Variants in RGS8 observed in about 807,000 individuals in gnomAD.
RGS8 encodes the protein regulator of G-protein signaling 8.
A neutral mutation model predicts 21.7 loss-of-function variants in RGS8; 8 were observed. The ratio of observed to expected loss-of-function variants is 0.37; its 90% CI spans 0.22 to 0.66. The LOEUF is 0.66. Among genes scored for constraint, RGS8 ranks in the 30% least tolerant of loss-of-function variants. The pLI, the probability that RGS8 is intolerant of heterozygous loss-of-function variation, is 0.59. For synonymous variants in RGS8, 80 were observed against 83.6 expected, an observed-to-expected ratio of 0.96 and a Z score of 0.24; for missense variants, 157 against 217.9, an observed-to-expected ratio of 0.72 and a Z score of 1.76.
At chr1:182,678,500 G>C (rs1664440971) in intron 1 of RGS8, among the ~76,000 whole-genome samples, 1 of 152,182 alleles carries the variant, frequency 6.6e-6, no homozygotes, top group Admixed American at 6.5e-5. Context: ...ATAACTCCTA[G>C]ACATCACCTA....
At chr1:182,682,368 A>G (rs1439893785) in intron 1 of RGS8, among the ~76,000 whole-genome samples, 1 of 152,160 alleles carries the variant, frequency 6.6e-6, no homozygotes. Context: ...GTGGGCTTAA[A>G]GGTTCTGAAG....
intron 5 of RGS8, among the ~76,000 whole-genome samples, chr1:182,662,376 G>T (rs1571329738): frequency 1.3e-5 from 2 of 152,288 alleles, no homozygotes; most frequent in African/African-American, 2.4e-5. Context: ...TTGCTACAGA[G>T]AGCATCCTGG....
At chr1:182,667,041 G>T in intron 3 of RGS8, 68 bp from the exon 5 acceptor site, 1 of 1,290,340 alleles carries the variant, frequency 7.7e-7, no homozygotes, top group Non-Finnish European at 1.1e-6. Flanking sequence ...TCTATACAGG[G>T]CCCCTGGAGC....
chr1:182,668,638 C>T (rs1663990992), intron 3 of RGS8, among the ~76,000 whole-genome samples: 1 of 152,190 alleles, frequency 6.6e-6, no homozygotes, highest in South Asian at 2.1e-4. Flanking sequence ...TATCCTCTCT[C>T]CTGCAAAAAA....
chr1:182,686,209 G>A (rs1664701338), upstream of RGS8, among the ~76,000 whole-genome samples: 1 of 152,178 alleles, frequency 6.6e-6, no homozygotes. Flanking sequence ...TAGGGAGGCA[G>A]GAGAAAAAAG....
chr1:182,676,590 A>G (rs774114136), upstream of RGS8, among the ~76,000 whole-genome samples: 3 of 152,214 alleles, frequency 2.0e-5, no homozygotes, highest in Non-Finnish European at 4.4e-5. Flanking sequence ...TCCTCTGAGC[A>G]TTAGCAGCCT....
At chr1:182,739,982 C>T in the RGS8 span, among the ~76,000 whole-genome samples, 9 of 152,294 alleles carry the variant, frequency 5.9e-5, no homozygotes, top group South Asian at 1.9e-3. Flanking sequence ...CAACCCCCAA[C>T]CCCCAATTTC....
At chr1:182,709,095 G>A in the RGS8 span, among the ~76,000 whole-genome samples, 1 of 151,896 alleles carries the variant, frequency 6.6e-6, no homozygotes. Flanking sequence ...TTCTACTTCT[G>A]TAGATGTGCT....
chr1:182,655,689 G>A (rs1004160418), intron 5 of RGS8, among the ~76,000 whole-genome samples: 2 of 152,152 alleles, frequency 1.3e-5, no homozygotes, highest in Non-Finnish European at 2.9e-5. Flanking sequence ...AAACTAAGGG[G>A]GTTGGATATG....
chr1:182,728,559 G>A, the RGS8 span, among the ~76,000 whole-genome samples: 1 of 152,162 alleles, frequency 6.6e-6, no homozygotes, highest in East Asian at 1.9e-4. Context: ...GGAAGAGTAA[G>A]TGTGCTAAAA....
intron 5 of RGS8, among the ~76,000 whole-genome samples, chr1:182,659,748 G>A (rs1482081910): frequency 6.6e-6 from 1 of 151,962 alleles, no homozygotes; most frequent in Non-Finnish European, 1.5e-5. Flanking sequence ...TAGCCTAAAA[G>A]ATTTTGAAAA....
chr1:182,660,521 C>T (rs761772141), intron 5 of RGS8, among the ~76,000 whole-genome samples: 1 of 151,806 alleles, frequency 6.6e-6, no homozygotes, highest in Non-Finnish European at 1.5e-5. Flanking sequence ...TAGCTCTTAT[C>T]CTGAATATAT....
chr1:182,679,221 T>C (rs1002820145), intron 1 of RGS8, among the ~76,000 whole-genome samples: 3 of 151,634 alleles, frequency 2.0e-5, no homozygotes, highest in Non-Finnish European at 2.9e-5. Flanking sequence ...CTTGAAAGAG[T>C]CTCCTCTGCT....
chr1:182,664,179 C>G (rs1050447001), intron 5 of RGS8, among the ~76,000 whole-genome samples: 1 of 152,138 alleles, frequency 6.6e-6, no homozygotes, highest in African/African-American at 2.4e-5. Flanking sequence ...ATTTCACCAC[C>G]ATAAACTCCG....
chr1:182,734,282 T>A, the RGS8 span: 1 of 152,226 alleles, frequency 6.6e-6, no homozygotes, highest in Non-Finnish European at 1.5e-5. Flanking sequence ...CACAGTGTGA[T>A]CTGATTCTCT....
At chr1:182,702,471 C>T in the RGS8 span, among the ~76,000 whole-genome samples, 2 of 152,284 alleles carry the variant, frequency 1.3e-5, no homozygotes, top group South Asian at 4.1e-4. Flanking sequence ...TACCCCAAAA[C>T]CCAGCATCAT....
At chr1:182,710,441 C>T in the RGS8 span, among the ~76,000 whole-genome samples, 3 of 152,062 alleles carry the variant, frequency 2.0e-5, no homozygotes, top group Admixed American at 6.6e-5. Context: ...TCTGTGTGGC[C>T]GGTGGTGTCC....
At chr1:182,647,511 C>T (rs889824270) in intron 6 of RGS8, among the ~76,000 whole-genome samples, 3 of 152,170 alleles carry the variant, frequency 2.0e-5, no homozygotes, top group East Asian at 3.8e-4. Flanking sequence ...AAACATTTTT[C>T]TTCATTTAAA....
the RGS8 span, among the ~76,000 whole-genome samples, chr1:182,694,680 C>T: frequency 1.3e-5 from 2 of 151,788 alleles, no homozygotes; most frequent in East Asian, 1.9e-4. Flanking sequence ...TGGTGGCACA[C>T]ACCTGTAATC....
Sources: gnomAD v4.1 joint callset for allele counts (sites outside exome capture counted in the v4.1 genomes callset) on GRCh38, gnomAD v4.1.1 for gene constraint, MANE v1.5 for transcripts, NCBI Gene and HGNC (gene_info 2026-07-23, HGNC 2026-07-21) for gene names.